STRC: variants seen among roughly 807,000 people sequenced by gnomAD.
STRC encodes the protein stereocilin.
A neutral mutation model predicts 103.5 loss-of-function variants in STRC; 43 were observed. The observed-to-expected ratio is 0.42, with a 90% CI of 0.33 to 0.54. STRC has a LOEUF of 0.54. Among genes scored for constraint, STRC ranks in the 20% least tolerant of loss-of-function variants. The pLI is 0.14. For synonymous variants in STRC, 186 were observed against 442.3 expected, an observed-to-expected ratio of 0.42 and a Z score of 7.27; for missense variants, 499 against 1,088.5, an observed-to-expected ratio of 0.46 and a Z score of 7.62.
At chr15:43,604,490 G>T (rs778523129) in intron 20 of STRC, 39 bp from the exon 21 acceptor site, 2 of 1,562,486 alleles carry the variant, frequency 1.3e-6, no homozygotes, top group Non-Finnish European at 1.7e-6. Flanking sequence ...GGGAGCTGAG[G>T]GAACTGTGAG....
At chr15:43,604,922 C>A in intron 19 of STRC, 76 bp from the exon 20 acceptor site, 1 of 1,557,686 alleles carries the variant, frequency 6.4e-7, no homozygotes, top group Admixed American at 1.9e-5. Flanking sequence ...GACACCAAGC[C>A]CCCTAACCTT....
Position 43,611,155 on chromosome 15 carries a change from G to C in STRC, c.3299C>G (p.Thr1100Ser). The change falls in exon 13 of 29, where the codon ACC becomes AGC. Residue 1100 changes from threonine (T) to serine (S), a missense_variant. Thr to Ser is a moderately conservative substitution (Grantham distance 58). Transcript: ENST00000450892. ...TCCTTGCCACTCTCATACCCGAAAG[G>C]TCTGCAGCAGTGCTGCGGTCTGGCA... ...SACQTAALLQ[T>S]FRVKDGVKNM... is the part of the protein sequence containing the mutation. 3.6e-6 allele frequency: 5 copies of C among 1,400,124 alleles called. No homozygotes were observed. The highest frequency in any genetic ancestry group is 2.4e-5 in the East Asian group (1 of 42,046). 86.7% of individuals were successfully genotyped at this position (1,400,124 alleles called of 1,614,324 possible).
chr15:43,601,384 GA>G lies in STRC; in HGVS notation c.4701+11del, dbSNP rs1567116404. 6.2e-7 allele frequency: 1 copy of G among 1,612,812 alleles called. No individual in the cohort carries two copies. Among genetic ancestry groups the G allele is most frequent in the East Asian group, 2.2e-5 (1 of 44,842 alleles). On this transcript the variant is annotated intron_variant, in intron 24 of 28. Coordinates refer to ENST00000450892, the MANE Select transcript of STRC (RefSeq NM_153700.2). ...GTGTTTGGGAAGCCGTAGGGAGGAG[GA>G]AAAGTGTTACCTGAGTGGTGCTCCA...
At chr15:43,601,113 T>C (rs2085663853) in intron 24 of STRC, 99 bp from the exon 25 acceptor site, 3 of 961,878 alleles carry the variant, frequency 3.1e-6, no homozygotes, top group Non-Finnish European at 4.7e-6. Context: ...CTGTTACTAT[T>C]AAGACCTAAG....
chr15:43,600,373 T>A (rs2085655274), intron 26 of STRC, 80 bp from the exon 27 acceptor site: 3 of 924,730 alleles, frequency 3.2e-6, no homozygotes, highest in Non-Finnish European at 5.2e-6. Flanking sequence ...CTCTAACTAC[T>A]CCCAAAGTGC....
intron 16 of STRC, among the ~76,000 whole-genome samples, chr15:43,608,935 T>C (rs905063163): frequency 8.0e-5 from 12 of 150,288 alleles, no homozygotes; most frequent in African/African-American, 3.0e-4. Flanking sequence ...CATTTAATCT[T>C]CACAGTAACT....
chr15:43,603,712 T>C, intron 22 of STRC: 1 of 657,484 alleles, frequency 1.5e-6, no homozygotes, highest in East Asian at 3.0e-5. Flanking sequence ...CTTCTAGGGA[T>C]CTCCCCAGCA....
intron 23 of STRC, 64 bp downstream of exon 23, chr15:43,603,178 G>T: frequency 6.4e-7 from 1 of 1,554,820 alleles, no homozygotes; most frequent in Non-Finnish European, 8.9e-7. Flanking sequence ...CATTCTCTTT[G>T]TGTCCTACAT....
chr15:43,618,358 TG>T lies in STRC; in HGVS notation c.65-3del. The T allele has an allele frequency of 2.3e-6, 1 of 437,180 alleles. No homozygotes were observed. Among genetic ancestry groups the T allele is most frequent in the African/African-American group, 7.2e-5 (1 of 13,982 alleles). 27.1% of individuals were successfully genotyped at this position (437,180 alleles called of 1,614,324 possible). Reference sequence around the variant, plus strand: ...GAGGCCCAGTAGGGGCCAGAGTCACTGTAAGGAGAGAAACCAGAGGTCACTG... The same window carrying T: ...GAGGCCCAGTAGGGGCCAGAGTCACTTAAGGAGAGAAACCAGAGGTCACTG... On this transcript the variant is annotated splice_polypyrimidine_tract_variant and splice_region_variant and intron_variant, in intron 1 of 28. Coordinates refer to ENST00000450892, the MANE Select transcript of STRC (RefSeq NM_153700.2).
rs2467437 is a variant in STRC at position 43,608,777 on chromosome 15, G to A, written c.3557+499C>T. Among the ~76,000 whole-genome samples the A allele has an allele frequency of 4.5e-3, 625 of 138,384 alleles. 4 individuals carry two copies. Among genetic ancestry groups the A allele is most frequent in the African/African-American group, 0.015 (492 of 33,658 alleles). The allele number at this position is 138,384 out of a possible 152,430, so 90.8% of individuals were successfully genotyped here. ...AGCCCATTGTTCTTCTAATGTGGGTGTAAGTAAAGTGATACCTTCTTATTC... is the reference window on the plus strand; with the variant it reads ...AGCCCATTGTTCTTCTAATGTGGGTATAAGTAAAGTGATACCTTCTTATTC... On this transcript the variant is annotated intron_variant, in intron 16 of 28. Coordinates refer to ENST00000450892, the MANE Select transcript of STRC (RefSeq NM_153700.2).
intron 22 of STRC, 103 bp from the exon 23 acceptor site, chr15:43,603,514 A>C: frequency 8.0e-7 from 1 of 1,254,698 alleles, no homozygotes; most frequent in Non-Finnish European, 1.2e-6. Context: ...AGGATAGAGC[A>C]CTGTGAGAAA....
intron 22 of STRC, 108 bp from the exon 23 acceptor site, chr15:43,603,519 G>A: frequency 1.7e-6 from 2 of 1,170,550 alleles, no homozygotes; most frequent in Non-Finnish European, 2.5e-6. Context: ...AGAGCACTGT[G>A]AGAAATAGGG....
intron 19 of STRC, 69 bp downstream of exon 19, chr15:43,605,195 G>A: frequency 6.4e-7 from 1 of 1,572,402 alleles, no homozygotes; most frequent in Non-Finnish European, 8.6e-7. Context: ...GGGACAGTCA[G>A]AGAGCATTGT....
Position 43,601,657 on chromosome 15 carries a change from A to G in STRC, c.4546-106T>C, listed in dbSNP as rs545658225. The G allele has an allele frequency of 1.3e-5, 16 of 1,210,770 alleles. No homozygotes were observed. In the African/African-American group the frequency reaches 1.9e-4, roughly 15 times the overall value. The allele number at this position is 1,210,770 out of a possible 1,614,324, so 75.0% of individuals were successfully genotyped here. A position where few individuals can be genotyped will look rare whatever the true frequency, so the allele number is the denominator to read the frequency against. ...CCCTTAGCTGTATAACTCTAGGTAA[A>G]TCATTTGCCTTTTCTTTAGTTTCCT... is the stretch of plus-strand genomic sequence containing the variant. On this transcript the variant is annotated intron_variant, in intron 23 of 28. Transcript: ENST00000450892.
intron 23 of STRC, 40 bp from the exon 24 acceptor site, chr15:43,601,591 G>C (rs771097313): frequency 6.2e-7 from 1 of 1,606,162 alleles, no homozygotes; most frequent in Non-Finnish European, 8.5e-7. Flanking sequence ...GAAAAGCAGT[G>C]GATTGGGAGT....
At chr15:43,605,066 G>T in intron 19 of STRC, 198 bp downstream of exon 19, 2 of 952,344 alleles carry the variant, frequency 2.1e-6, no homozygotes, top group Non-Finnish European at 3.2e-6. Context: ...GACTCCAAGA[G>T]GTATGGACAA....
At chr15:43,608,723 C>CA (rs2085728467) in intron 16 of STRC, among the ~76,000 whole-genome samples, 1 of 81,988 alleles carries the variant, frequency 1.2e-5, no homozygotes, top group Non-Finnish European at 2.1e-5. Context: ...AAGACTGTCT[C>CA]GAAAAAAAAA....
rs530160890 is a variant in STRC at position 43,601,855 on chromosome 15, A to C, written c.4546-304T>G. Among the ~76,000 whole-genome samples the C allele has an allele frequency of 5.3e-5, 8 of 151,952 alleles. No homozygotes were observed. The East Asian group carries it at 7.7e-4, about 15-fold the overall frequency. ...ATGCCTAGGGCCCAGCACAGTGGCT[A>C]ACAGCTGTAATCCCAGCACTTTGGG... On this transcript the variant is annotated intron_variant, in intron 23 of 28. Coordinates refer to ENST00000450892, the MANE Select transcript of STRC (RefSeq NM_153700.2).
At chr15:43,605,451 G>A (rs745451517) in intron 18 of STRC, 52 bp from the exon 19 acceptor site, 11 of 1,564,158 alleles carry the variant, frequency 7.0e-6, no homozygotes, top group East Asian at 7.0e-5. Context: ...GGGCCAAGTC[G>A]AGAAGGGACC....
Sources: allele counts gnomAD v4.1 joint callset (sites outside exome capture counted in the v4.1 genomes callset), GRCh38; gene constraint gnomAD v4.1.1; transcripts MANE v1.5; gene names NCBI Gene and HGNC (gene_info 2026-07-23, HGNC 2026-07-21).